TMEM9: variants seen among roughly 807,000 people sequenced by gnomAD.
TMEM9 encodes the protein transmembrane protein 9, also known as proton-transporting V-type ATPase complex assembly regulator TMEM9.
TMEM9 carries 13 observed loss-of-function variants against 22.8 expected under a neutral mutation model. That is an observed-to-expected ratio of 0.57 (90% CI 0.37 to 0.91). The LOEUF is 0.91. Among genes scored for constraint, TMEM9 ranks in the 40% least tolerant of loss-of-function variants. The pLI is 0.01. For synonymous variants in TMEM9, 88 were observed against 93.0 expected, an observed-to-expected ratio of 0.95 and a Z score of 0.31; for missense variants, 182 against 238.1, an observed-to-expected ratio of 0.76 and a Z score of 1.55.
In TMEM9 at chr1:201,135,669, G is replaced by A; in HGVS notation, c.546C>T (p.Leu182=). ...CCCAACCACACCAGCCCATCTAGCT[G>A]AGCATCTTGTGCCGATCGAAGACTG... The part of the protein sequence containing the change: ...RKTVFDRHKM[L]S Residue 182 remains leucine, a synonymous_variant, in exon 5 of 5, where the codon CTC becomes CTT. Transcript: ENST00000367330. 6.2e-7 allele frequency: 1 copy of A among 1,609,852 alleles called. No homozygotes were observed. The highest frequency in any genetic ancestry group is 1.1e-5 in the South Asian group (1 of 90,280).
intron 4 of TMEM9, 23 bp from the exon 5 acceptor site, chr1:201,135,838 G>C: frequency 6.4e-7 from 1 of 1,574,692 alleles, no homozygotes; most frequent in Non-Finnish European, 8.6e-7. Flanking sequence ...GAAAAAAAGA[G>C]AAGATCTGGC....
upstream of TMEM9, chr1:201,154,532 C>T (rs1241107135): frequency 1.3e-5 from 2 of 152,400 alleles, no homozygotes; most frequent in Non-Finnish European, 2.9e-5. Context: ...CTTAACCCGA[C>T]CGCGCTGTCG....
At chr1:201,160,711 C>A (rs1275863042) in intron 1 of TMEM9, among the ~76,000 whole-genome samples, 1 of 151,634 alleles carries the variant, frequency 6.6e-6, no homozygotes. Flanking sequence ...CTGAGGTGGG[C>A]AGATCACGAA....
At chr1:201,166,065 T>C (rs1165956817) in intron 1 of TMEM9, among the ~76,000 whole-genome samples, 6 of 152,172 alleles carry the variant, frequency 3.9e-5, no homozygotes, top group Admixed American at 2.0e-4. Flanking sequence ...ATTATCAGTA[T>C]TGCATGTAGC....
chr1:201,170,948 A>G (rs1420789265), intron 1 of TMEM9, among the ~76,000 whole-genome samples: 1 of 152,212 alleles, frequency 6.6e-6, no homozygotes, highest in Non-Finnish European at 1.5e-5. Context: ...CGTCCCGCAG[A>G]ATGAGAACAT....
chr1:201,164,114 T>C (rs750533128), intron 1 of TMEM9, among the ~76,000 whole-genome samples: 1 of 152,244 alleles, frequency 6.6e-6, no homozygotes. Context: ...CAGAGAATTA[T>C]GTTGAGTAAA....
At chr1:201,140,143 C>T (rs1003024096) in intron 4 of TMEM9, among the ~76,000 whole-genome samples, 2 of 152,222 alleles carry the variant, frequency 1.3e-5, no homozygotes, top group Admixed American at 1.3e-4. Flanking sequence ...TGTTCCAGTT[C>T]CCATCATCAT....
intron 4 of TMEM9, among the ~76,000 whole-genome samples, chr1:201,139,030 G>T (rs1007105933): frequency 6.6e-5 from 10 of 152,226 alleles, no homozygotes; most frequent in African/African-American, 2.4e-4. Flanking sequence ...CACACTGGAA[G>T]GACCCAAGTA....
chr1:201,170,309 T>G (rs1666179516), intron 1 of TMEM9, among the ~76,000 whole-genome samples: 1 of 152,086 alleles, frequency 6.6e-6, no homozygotes, highest in Admixed American at 6.5e-5. Flanking sequence ...CAAGATGAAA[T>G]CAAAAGCTAT....
In TMEM9 at chr1:201,151,824, A is replaced by T; in HGVS notation, c.95T>A (p.Ile32Asn). 2 of 1,613,820 alleles carry T rather than the reference A, an allele frequency of 1.2e-6. No homozygotes were observed. The highest frequency in any genetic ancestry group is 8.5e-7 in the Non-Finnish European group (1 of 1,180,012). ...ACTGATGTTTCTATAAGGTGGACAG[A>T]TGCATTTGCACCGGATATCTTCAGA... ...KSSEDIRCKC[I>N]CPPYRNISGH... The change falls in exon 2 of 5, where the codon ATC (isoleucine) becomes AAC (asparagine). Residue 32 changes from isoleucine (I) to asparagine (N), a missense_variant. Physicochemically the swap from Ile to Asn is moderately radical, Grantham distance 149 (BLOSUM62 -3). Coordinates refer to ENST00000367330, the MANE Select transcript of TMEM9 (RefSeq NM_001288565.2).
intron 1 of TMEM9, among the ~76,000 whole-genome samples, chr1:201,167,661 G>C (rs1666111902): frequency 6.6e-6 from 1 of 152,196 alleles, no homozygotes; most frequent in Non-Finnish European, 1.5e-5. Context: ...AAAGGTGGTT[G>C]AGTTTGGGGG....
upstream of TMEM9, among the ~76,000 whole-genome samples, chr1:201,159,197 T>C (rs1665880264): frequency 6.6e-6 from 1 of 152,232 alleles, no homozygotes; most frequent in Non-Finnish European, 1.5e-5. Flanking sequence ...GGCAGTAATG[T>C]GGGGGTACAA....
chr1:201,158,050 T>C (rs1270976325), upstream of TMEM9, among the ~76,000 whole-genome samples: 1 of 152,238 alleles, frequency 6.6e-6, no homozygotes, highest in Non-Finnish European at 1.5e-5. Context: ...GAGGAACCTT[T>C]TCTGGCTGTG....
intron 4 of TMEM9, among the ~76,000 whole-genome samples, chr1:201,139,527 T>A (rs1338742004): frequency 6.6e-6 from 1 of 151,860 alleles, no homozygotes; most frequent in East Asian, 1.9e-4. Flanking sequence ...TGCTCACAAA[T>A]AAAACCCTGC....
intron 4 of TMEM9, among the ~76,000 whole-genome samples, chr1:201,138,203 G>T (rs538978410): frequency 6.6e-6 from 1 of 152,176 alleles, no homozygotes; most frequent in Non-Finnish European, 1.5e-5. Flanking sequence ...GTATCTCAGG[G>T]GAGCGTCTTG....
At chr1:201,149,852 C>T (rs1665281994) in intron 2 of TMEM9, among the ~76,000 whole-genome samples, 2 of 152,198 alleles carry the variant, frequency 1.3e-5, no homozygotes, top group African/African-American at 4.8e-5. Context: ...CAGGCAAGCA[C>T]AGGATGACTC....
chr1:201,156,031 C>T (rs1433241335), upstream of TMEM9, among the ~76,000 whole-genome samples: 4 of 152,088 alleles, frequency 2.6e-5, no homozygotes, highest in Non-Finnish European at 5.9e-5. Context: ...ACACTTCTTC[C>T]CCCCATATAC....
chr1:201,141,530 C>T (rs2102236690), intron 4 of TMEM9, among the ~76,000 whole-genome samples: 1 of 152,248 alleles, frequency 6.6e-6, no homozygotes, highest in South Asian at 2.1e-4. Flanking sequence ...GTTGGCTGCA[C>T]CCTAGGTCAG....
At position 201,135,750 on chromosome 1, in the gene TMEM9, C is replaced by T. The variant is rs1572092954; in HGVS notation, c.465G>A (p.Glu155=). The T allele has an allele frequency of 6.2e-6, 10 of 1,613,820 alleles. No individual in the cohort carries two copies. The East Asian group carries it at 2.2e-4, about 36-fold the overall frequency. Reference sequence around the variant, plus strand: ...ACCGCTGCTGGGCACCTTCCACACGCTCCAGGACTGTGTTTGCTCGGGGTC... The same window carrying T: ...ACCGCTGCTGGGCACCTTCCACACGTTCCAGGACTGTGTTTGCTCGGGGTC... ...LGGPRANTVL[E]RVEGAQQRWK... is the part of the protein sequence containing the mutation. Residue 155 remains glutamate, a synonymous_variant, in exon 5 of 5, where the codon GAG becomes GAA. Transcript: ENST00000367330.
Sources: gnomAD v4.1 joint callset for allele counts (sites outside exome capture counted in the v4.1 genomes callset) on GRCh38, gnomAD v4.1.1 for gene constraint, MANE v1.5 for transcripts, NCBI Gene and HGNC (gene_info 2026-07-23, HGNC 2026-07-21) for gene names.